The following PCDH15 variants were observed in gnomAD, a reference collection of about 807,000 sequenced individuals.
PCDH15 encodes the protein protocadherin related 15.
In PCDH15, 129 loss-of-function variants were observed where a neutral mutation model predicts 178.5. The observed-to-expected ratio is 0.72, with a 90% confidence interval of 0.63 to 0.84. PCDH15 has a LOEUF of 0.84. Ranked by LOEUF, PCDH15 falls within the 40% of genes least tolerant of loss-of-function variation. The pLI, the probability that PCDH15 is intolerant of heterozygous loss-of-function variation, is 0.00. For synonymous variants in PCDH15, 800 were observed against 732.0 expected (o/e 1.09, Z -1.50); for missense variants, 2,230 against 2,099.9 (o/e 1.06, Z -1.21).
At chr10:54,194,314 T>C (rs548666829) in intron 11 of PCDH15, among the ~76,000 whole-genome samples, 9 of 152,260 alleles carry the variant, frequency 5.9e-5, no homozygotes, top group African/African-American at 2.2e-4. Context: ...ATGAGTGACA[T>C]GTATTTATAT....
chr10:55,066,563 CTTATT>C (rs1391615169), intron 2 of PCDH15, among the ~76,000 whole-genome samples: 2 of 144,484 alleles, frequency 1.4e-5, no homozygotes, highest in African/African-American at 5.1e-5. Flanking sequence ...AATTTATAGT[CTTATT>C]TGTGAGTCTT....
chr10:55,302,433 C>T (rs972805764), intron 1 of PCDH15, among the ~76,000 whole-genome samples: 1 of 151,916 alleles, frequency 6.6e-6, no homozygotes, highest in Non-Finnish European at 1.5e-5. Flanking sequence ...GAAGAAATTG[C>T]CTCATATGAC....
intron 2 of PCDH15, among the ~76,000 whole-genome samples, chr10:55,587,769 A>C (rs1211359769): frequency 1.3e-5 from 2 of 152,144 alleles, no homozygotes; most frequent in Non-Finnish European, 2.9e-5. Flanking sequence ...ACACTATTTT[A>C]AGTGTTTTCC....
intron 2 of PCDH15, among the ~76,000 whole-genome samples, chr10:54,629,701 C>T (rs1035638472): frequency 1.3e-5 from 2 of 152,116 alleles, no homozygotes; most frequent in Non-Finnish European, 2.9e-5. Context: ...TGCCCACTTT[C>T]ACCATTCCTA....
chr10:54,392,471 AAAAAAAAAAAAAAAAAAAAAAAG>A (rs1236169418), intron 3 of PCDH15, among the ~76,000 whole-genome samples: 4 of 131,590 alleles, frequency 3.0e-5, no homozygotes, highest in African/African-American at 6.3e-5. Context: ...GCTGTCTCAA[AAAAAAAAAAAAAAAAAAAAAAAG>A]AAATGTATTA....
intron 18 of PCDH15, among the ~76,000 whole-genome samples, chr10:54,056,671 A>G (rs968536534): frequency 2.6e-5 from 4 of 152,102 alleles, no homozygotes; most frequent in Non-Finnish European, 5.9e-5. Flanking sequence ...TCCCATCCCC[A>G]GCCCCTCCCA....
intron 2 of PCDH15, among the ~76,000 whole-genome samples, chr10:55,117,115 A>C (rs1203732617): frequency 6.6e-6 from 1 of 152,154 alleles, no homozygotes; most frequent in Non-Finnish European, 1.5e-5. Flanking sequence ...TGTAAAACTT[A>C]CACTAAATAC....
At chr10:54,820,320 G>GT (rs1305994993) in intron 3 of PCDH15, among the ~76,000 whole-genome samples, 3 of 151,914 alleles carry the variant, frequency 2.0e-5, no homozygotes, top group Non-Finnish European at 4.4e-5. Context: ...AGAAAGTTTC[G>GT]TTTTTTAGAG....
intron 2 of PCDH15, among the ~76,000 whole-genome samples, chr10:54,920,912 C>T (rs181482810): frequency 6.6e-6 from 1 of 152,268 alleles, no homozygotes; most frequent in East Asian, 1.9e-4. Context: ...AACCCACAGT[C>T]TATTGACTGA....
intron 2 of PCDH15, among the ~76,000 whole-genome samples, chr10:55,076,583 T>G (rs1229327663): frequency 6.6e-6 from 1 of 151,798 alleles, no homozygotes; most frequent in Non-Finnish European, 1.5e-5. Context: ...TAGTTGGGAC[T>G]ATAGGTGCAC....
At chr10:55,566,634 AC>A (rs1842307981) in intron 2 of PCDH15, among the ~76,000 whole-genome samples, 4 of 151,956 alleles carry the variant, frequency 2.6e-5, no homozygotes, top group South Asian at 4.1e-4. Flanking sequence ...GCATATCTAT[AC>A]AATAACAAAG....
chr10:54,561,381 A>T (rs981677314), intron 2 of PCDH15, among the ~76,000 whole-genome samples: 1 of 152,204 alleles, frequency 6.6e-6, no homozygotes, highest in Non-Finnish European at 1.5e-5. Context: ...ACAAGGCAAG[A>T]TATGTAATAT....
At chr10:55,563,207 C>T (rs535659452) in intron 2 of PCDH15, among the ~76,000 whole-genome samples, 2 of 151,828 alleles carry the variant, frequency 1.3e-5, no homozygotes, top group African/African-American at 2.4e-5. Flanking sequence ...TTTTTGCACT[C>T]CCTTCTTTTC....
chr10:54,278,300 G>C (rs979909529), intron 8 of PCDH15, among the ~76,000 whole-genome samples: 33 of 151,590 alleles, frequency 2.2e-4, no homozygotes, highest in Non-Finnish European at 4.4e-4. Context: ...TCATCTCTAA[G>C]ACAATTTTTA....
intron 3 of PCDH15, among the ~76,000 whole-genome samples, chr10:54,522,083 ATCTC>A (rs2082933210): frequency 7.9e-6 from 1 of 126,850 alleles, no homozygotes; most frequent in Non-Finnish European, 1.6e-5. Context: ...GTGAGAATCC[ATCTC>A]AAAAAAAAAA....
chr10:55,433,070 G>A (rs1838929981), intron 2 of PCDH15, among the ~76,000 whole-genome samples: 1 of 151,794 alleles, frequency 6.6e-6, no homozygotes, highest in Admixed American at 6.6e-5. Context: ...AACAGAAGTA[G>A]CATTCGACCC....
chr10:54,908,252 G>A (rs1366059123), intron 2 of PCDH15, among the ~76,000 whole-genome samples: 1 of 152,214 alleles, frequency 6.6e-6, no homozygotes, highest in Non-Finnish European at 1.5e-5. Flanking sequence ...TTCAGTTATA[G>A]TGCATAGCCA....
rs901788115 is a variant in PCDH15, at chr10:55,335,214, T to G, written c.-155-168563A>C. On this transcript the variant is annotated intron_variant, in intron 2 of 5. Transcript: ENST00000613346. ...GATAAGTTAATCAATGACCTCCCAT[T>G]AGATCTGCCTCCAAGGGTATGGTAC... 4.6e-5 allele frequency among the ~76,000 whole-genome samples: 7 copies of G among 152,238 alleles called. No individual in the cohort carries two copies. In the East Asian group the frequency reaches 1.2e-3, roughly 25 times the overall value.
chr10:54,791,672 A>C (rs1591651013), intron 1 of PCDH15, among the ~76,000 whole-genome samples: 2 of 152,022 alleles, frequency 1.3e-5, no homozygotes, highest in Admixed American at 1.3e-4. Context: ...TCCTGAAGTC[A>C]TCCAATCTCT....
Sources: allele counts gnomAD v4.1 joint callset (sites outside exome capture counted in the v4.1 genomes callset), GRCh38; gene constraint gnomAD v4.1.1; transcripts MANE v1.5; gene names NCBI Gene and HGNC (gene_info 2026-07-23, HGNC 2026-07-21).